CCDC85A: variants seen among roughly 807,000 people sequenced by gnomAD.
CCDC85A encodes coiled-coil domain-containing protein 85A.
Under a neutral mutation model 50.2 loss-of-function variants are expected in CCDC85A, and 38 were observed. The observed-to-expected ratio is 0.76, with a 90% CI of 0.58 to 0.99. The LOEUF (loss-of-function observed/expected upper bound fraction) is 0.99. CCDC85A is among the 50% of genes least tolerant of loss of function. The probability of loss-of-function intolerance (pLI) is 0.00; values close to 1 mark genes in which losing one functional copy is unlikely to be tolerated. For missense variants in CCDC85A, 820 were observed against 742.0 expected (o/e 1.11, Z -1.22); for synonymous variants, 366 against 301.4 (o/e 1.21, Z -2.22).
chr2:56,330,152 A>G (rs892372273), intron 2 of CCDC85A, among the ~76,000 whole-genome samples: 2 of 151,950 alleles, frequency 1.3e-5, no homozygotes, highest in African/African-American at 4.8e-5. Flanking sequence ...CAGCAGCAAC[A>G]TAACAGTGGA....
At chr2:56,346,141 A>G (rs1023634657) in intron 3 of CCDC85A, among the ~76,000 whole-genome samples, 1 of 152,234 alleles carries the variant, frequency 6.6e-6, no homozygotes, top group Non-Finnish European at 1.5e-5. Context: ...ATCTTCCTCA[A>G]TGCTCCTTTT....
In CCDC85A at chr2:56,184,607, T is replaced by C. The variant is rs1321839180; in HGVS notation, c.-18T>C. 6 of 1,410,092 alleles carry C rather than the reference T, an allele frequency of 4.3e-6. No homozygotes were observed. Among genetic ancestry groups the C allele is most frequent in the Non-Finnish European group, 4.6e-6 (5 of 1,097,090 alleles). The allele number at this position is 1,410,092 out of a possible 1,614,324, so 87.3% of individuals were successfully genotyped here. On this transcript the variant is annotated 5_prime_UTR_variant, in exon 1 of 6. Transcript: ENST00000407595. ...CTCGCCTCTTCCACCCACTTGCACC[T>C]GCCACCCCGCGGATACCATGTCGAA...
intron 3 of CCDC85A, among the ~76,000 whole-genome samples, chr2:56,346,550 T>C (rs1674641912): frequency 6.6e-6 from 1 of 152,336 alleles, no homozygotes; most frequent in Non-Finnish European, 1.5e-5. Flanking sequence ...TGATCTGCCA[T>C]GGTGTGTACT....
Position 56,239,050 on chromosome 2 carries a change from G to A in CCDC85A, c.1240+45610G>A, listed in dbSNP as rs553549767. On this transcript the variant is annotated intron_variant, in intron 2 of 5. Coordinates refer to ENST00000407595, the MANE Select transcript of CCDC85A (RefSeq NM_001080433.2). ...TTTGGCAGCTGAAAATAAATGCAAA[G>A]AAGCTTGAAAAGAGAAGACAGGTTT... Among the ~76,000 whole-genome samples, 22 of 152,214 alleles carry A rather than the reference G, an allele frequency of 1.4e-4. No individual in the cohort carries two copies. The East Asian group carries it at 3.5e-3, about 24-fold the overall frequency.
rs138477140 is a variant in CCDC85A, at chr2:56,321,369, C to T, written c.1241-21510C>T. The stretch of plus-strand genomic sequence containing the variant: ...TCAAATTGTCCCTGTTTGCAGATGA[C>T]GTGATTGTATATATTTAGAAAACCC... On this transcript the variant is annotated intron_variant, in intron 2 of 5. Transcript: ENST00000407595. Among the ~76,000 whole-genome samples the T allele has an allele frequency of 2.8e-3, 432 of 152,246 alleles. 3 individuals are homozygous for T. The highest frequency in any genetic ancestry group is 9.9e-3 in the African/African-American group (413 of 41,544).
At chr2:56,191,542 A>T (rs1472362048) in intron 1 of CCDC85A, among the ~76,000 whole-genome samples, 1 of 152,222 alleles carries the variant, frequency 6.6e-6, no homozygotes, top group African/African-American at 2.4e-5. Context: ...TGACAAGATG[A>T]GCTAAATTTT....
At position 56,213,045 on chromosome 2, in the gene CCDC85A, A is replaced by T. The variant is rs568334918; in HGVS notation, c.1240+19605A>T. 4.6e-5 allele frequency among the ~76,000 whole-genome samples: 7 copies of T among 152,158 alleles called. No homozygotes were observed. The South Asian group carries it at 1.4e-3, about 32-fold the overall frequency. ...CTATTTTTGCACTGAAATCTCAGCA[A>T]CTTAGAAGTGAATAAAGCTCATATG... is the stretch of plus-strand genomic sequence containing the variant. On this transcript the variant is annotated intron_variant, in intron 2 of 5. Coordinates refer to ENST00000407595, the MANE Select transcript of CCDC85A (RefSeq NM_001080433.2).
At chr2:56,360,233 T>A (rs1252097937) in intron 3 of CCDC85A, among the ~76,000 whole-genome samples, 2 of 152,250 alleles carry the variant, frequency 1.3e-5, no homozygotes, top group Non-Finnish European at 2.9e-5. Context: ...TTTTCAAGCC[T>A]CTCTGTAGCA....
chr2:56,317,199 T>C (rs958525425), intron 2 of CCDC85A, among the ~76,000 whole-genome samples: 6 of 152,166 alleles, frequency 3.9e-5, no homozygotes, highest in African/African-American at 1.4e-4. Context: ...CAGATTTTTC[T>C]TTCAAGCAGC....
At chr2:56,368,735 A>G (rs577852609) in intron 3 of CCDC85A, among the ~76,000 whole-genome samples, 49 of 152,150 alleles carry the variant, frequency 3.2e-4, no homozygotes, top group South Asian at 1.0e-3. Context: ...GTGAGAAACT[A>G]TTTTATGTAA....
At chr2:56,296,659 A>G (rs1003184269) in intron 2 of CCDC85A, among the ~76,000 whole-genome samples, 3 of 152,234 alleles carry the variant, frequency 2.0e-5, no homozygotes, top group Admixed American at 1.3e-4. Flanking sequence ...GACATAGGAC[A>G]GAACACCTGG....
intron 2 of CCDC85A, among the ~76,000 whole-genome samples, chr2:56,197,821 G>C (rs182575904): frequency 1.7e-4 from 26 of 152,314 alleles, no homozygotes; most frequent in African/African-American, 4.6e-4. Context: ...TTGTGTTTTT[G>C]ATGGGTGGAA....
intron 3 of CCDC85A, among the ~76,000 whole-genome samples, chr2:56,357,235 A>G (rs1195092053): frequency 2.6e-5 from 4 of 152,204 alleles, no homozygotes; most frequent in African/African-American, 9.6e-5. Context: ...GAAGAGATCA[A>G]GATAGGCATG....
At chr2:56,202,605 C>T (rs982182513) in intron 2 of CCDC85A, among the ~76,000 whole-genome samples, 12 of 152,170 alleles carry the variant, frequency 7.9e-5, no homozygotes, top group Admixed American at 2.0e-4. Context: ...CAAGGAGTTG[C>T]GTTTTTTAAT....
At position 56,322,030 on chromosome 2, in the gene CCDC85A, C is replaced by G. The variant is rs1296449010; in HGVS notation, c.1241-20849C>G. 7.2e-5 allele frequency among the ~76,000 whole-genome samples: 11 copies of G among 152,120 alleles called. No homozygotes were observed. In the South Asian group the frequency reaches 1.9e-3, roughly 26 times the overall value. On this transcript the variant is annotated intron_variant, in intron 2 of 5. Coordinates refer to ENST00000407595, the MANE Select transcript of CCDC85A (RefSeq NM_001080433.2). The stretch of plus-strand genomic sequence containing the variant: ...TGGTCTTTGACAAACCTGACAAAAA[C>G]AAGAAATGGGGAAAGGATTCCCTAT...
At chr2:56,248,491 C>T (rs907322982) in intron 2 of CCDC85A, among the ~76,000 whole-genome samples, 8 of 152,104 alleles carry the variant, frequency 5.3e-5, no homozygotes, top group Admixed American at 1.3e-4. Flanking sequence ...GGCCTATCTC[C>T]GGAGGCCTCA....
rs543740536 is a variant in CCDC85A at position 56,260,325 on chromosome 2, A to G, written c.1240+66885A>G. ...TCCCAGGGATCTCAGCTAGAACTGGAGTGAGGGTGGGAGTAAAAAGAATCT... is the reference window on the plus strand; with the variant it reads ...TCCCAGGGATCTCAGCTAGAACTGGGGTGAGGGTGGGAGTAAAAAGAATCT... On this transcript the variant is annotated intron_variant, in intron 2 of 5. Transcript: ENST00000407595. Among the ~76,000 whole-genome samples, 9 of 152,274 alleles carry G rather than the reference A, an allele frequency of 5.9e-5. No individual in the cohort carries two copies. The East Asian group carries it at 1.7e-3, about 29-fold the overall frequency.
intron 2 of CCDC85A, among the ~76,000 whole-genome samples, chr2:56,233,145 T>C (rs190127384): frequency 6.6e-6 from 1 of 152,312 alleles, no homozygotes; most frequent in East Asian, 1.9e-4. Flanking sequence ...CTCTCACTTC[T>C]TCAGAAAGCA....
intron 2 of CCDC85A, among the ~76,000 whole-genome samples, chr2:56,291,049 G>A (rs1486777662): frequency 3.3e-5 from 5 of 152,178 alleles, no homozygotes; most frequent in African/African-American, 7.2e-5. Flanking sequence ...CTTATGTTGC[G>A]GGTTATATGG....
Sources: allele counts gnomAD v4.1 joint callset (sites outside exome capture counted in the v4.1 genomes callset), GRCh38; gene constraint gnomAD v4.1.1; transcripts MANE v1.5; gene names NCBI Gene and HGNC (gene_info 2026-07-23, HGNC 2026-07-21).